NXPH2: variants seen among roughly 807,000 people sequenced by gnomAD.
NXPH2 encodes neurexophilin 2, also known as neurexophilin-2.
A neutral mutation model predicts 19.8 loss-of-function variants in NXPH2; 5 were observed. The observed-to-expected ratio is 0.25, with a 90% CI of 0.13 to 0.53. NXPH2 has a LOEUF of 0.53. Ranked by LOEUF, NXPH2 falls within the 20% of genes least tolerant of loss-of-function variation. The probability of loss-of-function intolerance (pLI) is 0.96; values close to 1 mark genes in which losing one functional copy is unlikely to be tolerated. For synonymous variants in NXPH2, 154 were observed against 127.4 expected, an observed-to-expected ratio of 1.21 and a Z score of -1.41; for missense variants, 289 against 322.8, an observed-to-expected ratio of 0.90 and a Z score of 0.80.
At chr2:138,706,145 T>C (rs1242545769) in intron 1 of NXPH2, among the ~76,000 whole-genome samples, 1 of 152,228 alleles carries the variant, frequency 6.6e-6, no homozygotes, top group Non-Finnish European at 1.5e-5. Context: ...ACTATGTCTA[T>C]TAATAAAAAG....
At chr2:138,765,405 G>A (rs1682074919) in intron 1 of NXPH2, among the ~76,000 whole-genome samples, 1 of 152,066 alleles carries the variant, frequency 6.6e-6, no homozygotes, top group African/African-American at 2.4e-5. Context: ...ACACCACCAG[G>A]GATTCTGTTT....
intron 1 of NXPH2, among the ~76,000 whole-genome samples, chr2:138,764,794 T>C (rs1682067155): frequency 6.6e-6 from 1 of 152,304 alleles, no homozygotes; most frequent in Non-Finnish European, 1.5e-5. Flanking sequence ...AAACACTGAA[T>C]TGAAACTCTC....
chr2:138,731,281 T>G (rs1290237402), intron 1 of NXPH2, among the ~76,000 whole-genome samples: 1 of 152,148 alleles, frequency 6.6e-6, no homozygotes, highest in African/African-American at 2.4e-5. Flanking sequence ...TGCTGTGTTC[T>G]TGTTAGAAAA....
Position 138,772,587 on chromosome 2 carries a change from G to A in NXPH2, c.51+7604C>T, listed in dbSNP as rs116224476. Among the ~76,000 whole-genome samples, 1,125 of 152,256 alleles carry A rather than the reference G, an allele frequency of 7.4e-3. 12 individuals carry two copies. Among genetic ancestry groups the A allele is most frequent in the African/African-American group, 0.025 (1,022 of 41,530 alleles). Reference sequence around the variant, plus strand: ...GCTGGGACTACAGGGGTGAGCCACCGCGCCCGGCCCATGAGGTTAAATTCT... The same window carrying A: ...GCTGGGACTACAGGGGTGAGCCACCACGCCCGGCCCATGAGGTTAAATTCT... On this transcript the variant is annotated intron_variant, in intron 1 of 1. Coordinates refer to ENST00000272641, the MANE Select transcript of NXPH2 (RefSeq NM_007226.3).
chr2:138,714,910 C>T (rs1416492593), intron 1 of NXPH2, among the ~76,000 whole-genome samples: 3 of 152,122 alleles, frequency 2.0e-5, no homozygotes, highest in Non-Finnish European at 4.4e-5. Flanking sequence ...CATTAATGTA[C>T]AGATGATAAT....
chr2:138,712,558 A>C (rs59906370), intron 1 of NXPH2, among the ~76,000 whole-genome samples: 1 of 152,012 alleles, frequency 6.6e-6, no homozygotes, highest in Non-Finnish European at 1.5e-5. Context: ...GCTTCCCCCA[A>C]ATTCGGTGGC....
chr2:138,721,632 T>C (rs1417036847), intron 1 of NXPH2, among the ~76,000 whole-genome samples: 4 of 151,942 alleles, frequency 2.6e-5, no homozygotes, highest in African/African-American at 4.8e-5. Context: ...GGAAGAGATA[T>C]GATGTATGTA....
At chr2:138,696,474 C>T (rs1680830367) in intron 1 of NXPH2, among the ~76,000 whole-genome samples, 1 of 152,150 alleles carries the variant, frequency 6.6e-6, no homozygotes, top group Admixed American at 6.5e-5. Flanking sequence ...AAAATATACA[C>T]ATGGCCCATA....
chr2:138,753,061 T>C (rs1681849567), intron 1 of NXPH2, among the ~76,000 whole-genome samples: 1 of 152,184 alleles, frequency 6.6e-6, no homozygotes, highest in African/African-American at 2.4e-5. Context: ...AAGGAAGTTA[T>C]TATGCACAGC....
intron 1 of NXPH2, among the ~76,000 whole-genome samples, chr2:138,758,687 T>C (rs1041617180): frequency 6.6e-6 from 1 of 152,210 alleles, no homozygotes; most frequent in African/African-American, 2.4e-5. Context: ...ATTGAAAGAC[T>C]CACAATTAGA....
At chr2:138,750,356 C>A (rs1465108817) in intron 1 of NXPH2, among the ~76,000 whole-genome samples, 3 of 152,024 alleles carry the variant, frequency 2.0e-5, no homozygotes, top group Non-Finnish European at 2.9e-5. Context: ...AACATTAATA[C>A]ATAGTCCAAA....
chr2:138,744,821 C>T (rs1387392050), intron 1 of NXPH2, among the ~76,000 whole-genome samples: 7 of 152,328 alleles, frequency 4.6e-5, no homozygotes, highest in African/African-American at 1.7e-4. Context: ...TCTTCCCTGC[C>T]TAGACAAAGG....
At chr2:138,726,212 T>G (rs1431636700) in intron 1 of NXPH2, among the ~76,000 whole-genome samples, 1 of 151,968 alleles carries the variant, frequency 6.6e-6, no homozygotes, top group Non-Finnish European at 1.5e-5. Flanking sequence ...CCAACTAATT[T>G]TTTCATATTT....
chr2:138,725,853 G>A (rs1357908892), intron 1 of NXPH2, among the ~76,000 whole-genome samples: 2 of 152,176 alleles, frequency 1.3e-5, no homozygotes, highest in Non-Finnish European at 2.9e-5. Flanking sequence ...TAGGTAAGAA[G>A]TATTATCATT....
intron 1 of NXPH2, among the ~76,000 whole-genome samples, chr2:138,688,861 T>C (rs1442977670): frequency 3.9e-5 from 6 of 152,084 alleles, no homozygotes; most frequent in African/African-American, 1.4e-4. Flanking sequence ...GCCTTTATAC[T>C]CCTATAGTAG....
chr2:138,753,560 G>A (rs1275683160), intron 1 of NXPH2, among the ~76,000 whole-genome samples: 1 of 152,110 alleles, frequency 6.6e-6, no homozygotes, highest in African/African-American at 2.4e-5. Flanking sequence ...GCTGGTAAGA[G>A]CAAGAAAATA....
rs74363159 is a variant in NXPH2, at chr2:138,737,916, C to CT, written c.51+42274dup. Among the ~76,000 whole-genome samples, 626 of 145,078 alleles carry CT rather than the reference C, an allele frequency of 4.3e-3. 7 individuals carry two copies. The highest frequency in any genetic ancestry group is 0.015 in the East Asian group (75 of 4,966). Reference sequence around the variant, plus strand: ...TTGTTAAACAGAACACCTTCATTTTCTTTTTTTTTTTTAATTATACTTTAA... The same window carrying CT: ...TTGTTAAACAGAACACCTTCATTTTCTTTTTTTTTTTTTAATTATACTTTAA... On this transcript the variant is annotated intron_variant, in intron 1 of 1. Transcript: ENST00000272641.
chr2:138,670,281 A>G lies in NXPH2; in HGVS notation c.*641T>C, dbSNP rs66654109. On this transcript the variant is annotated 3_prime_UTR_variant, in exon 2 of 2. Coordinates refer to ENST00000272641, the MANE Select transcript of NXPH2 (RefSeq NM_007226.3). ...CTCAGGGGGAATCATAAGAATGGTG[A>G]CCAACACAGGGCTAAGTGCTCAAAT... Among the ~76,000 whole-genome samples the G allele has an allele frequency of 0.087, 13,298 of 152,214 alleles. 802 individuals are homozygous for G. The highest frequency in any genetic ancestry group is 0.11 in the Non-Finnish European group (7,770 of 67,998).
chr2:138,712,917 T>C (rs776737521), intron 1 of NXPH2, among the ~76,000 whole-genome samples: 1 of 152,238 alleles, frequency 6.6e-6, no homozygotes, highest in Non-Finnish European at 1.5e-5. Flanking sequence ...GCTGTATTAG[T>C]AAATACTTGT....
Sources: allele counts gnomAD v4.1 joint callset (sites outside exome capture counted in the v4.1 genomes callset), GRCh38; gene constraint gnomAD v4.1.1; transcripts MANE v1.5; gene names NCBI Gene and HGNC (gene_info 2026-07-23, HGNC 2026-07-21).